Variants in GATAD2B observed in about 807,000 individuals in gnomAD.
The protein encoded by GATAD2B is GATA zinc finger domain containing 2B.
Under a neutral mutation model 64.3 loss-of-function variants are expected in GATAD2B, and 8 were observed. The ratio of observed to expected loss-of-function variants is 0.12; its 90% CI spans 0.07 to 0.22. The LOEUF (loss-of-function observed/expected upper bound fraction) is 0.22, where lower values mean the gene tolerates loss of function less well. GATAD2B is among the 10% of genes least tolerant of loss of function. GATAD2B has a pLI of 1.00. For missense variants in GATAD2B, 453 were observed against 752.0 expected (o/e 0.60, Z 4.65); for synonymous variants, 281 against 271.3 (o/e 1.04, Z -0.35).
chr1:153,910,230 C>T (rs975055728), intron 1 of GATAD2B, among the ~76,000 whole-genome samples: 1 of 152,128 alleles, frequency 6.6e-6, no homozygotes. Flanking sequence ...TGGTAAGCTA[C>T]TAGTGATTTT....
intron 1 of GATAD2B, among the ~76,000 whole-genome samples, chr1:153,847,367 A>G (rs1675724672): frequency 6.6e-6 from 1 of 152,134 alleles, no homozygotes; most frequent in Non-Finnish European, 1.5e-5. Flanking sequence ...AACTAGACAC[A>G]CTTCTGTAGA....
At chr1:153,846,363 G>C (rs1240899569) in intron 1 of GATAD2B, among the ~76,000 whole-genome samples, 2 of 151,820 alleles carry the variant, frequency 1.3e-5, no homozygotes, top group Admixed American at 6.6e-5. Context: ...CTCCAAAGTA[G>C]CTGGGATTAC....
chr1:153,837,384 A>C (rs1045238057), intron 1 of GATAD2B, among the ~76,000 whole-genome samples: 1 of 151,684 alleles, frequency 6.6e-6, no homozygotes, highest in African/African-American at 2.4e-5. Flanking sequence ...AAACAAAAAA[A>C]AAAACACAGT....
chr1:153,877,457 A>G (rs1220218948), intron 1 of GATAD2B, among the ~76,000 whole-genome samples: 5 of 146,952 alleles, frequency 3.4e-5, no homozygotes, highest in East Asian at 2.0e-4. Flanking sequence ...GAGAGTTAAG[A>G]AAAAAAAAAA....
At chr1:153,874,794 CT>C (rs1197936897) in intron 1 of GATAD2B, among the ~76,000 whole-genome samples, 1 of 151,938 alleles carries the variant, frequency 6.6e-6, no homozygotes, top group Non-Finnish European at 1.5e-5. Context: ...TCAGACTGGT[CT>C]TGAACTCCAG....
intron 1 of GATAD2B, among the ~76,000 whole-genome samples, chr1:153,883,045 G>A (rs1677057527): frequency 6.6e-6 from 1 of 152,074 alleles, no homozygotes; most frequent in South Asian, 2.1e-4. Flanking sequence ...CAAGGGGGGA[G>A]GGATTTTCTT....
intron 2 of GATAD2B, 91 bp from the exon 3 acceptor site, chr1:153,819,826 C>T (rs1242035491): frequency 1.3e-5 from 14 of 1,114,176 alleles, no homozygotes; most frequent in South Asian, 1.0e-4. Flanking sequence ...GGGCCGGGTG[C>T]GGTGGCTCAC....
chr1:153,859,222 G>A (rs1676187977), intron 1 of GATAD2B, among the ~76,000 whole-genome samples: 1 of 151,746 alleles, frequency 6.6e-6, no homozygotes, highest in Non-Finnish European at 1.5e-5. Context: ...TAGAAATCAG[G>A]CAGGTGTGGT....
intron 1 of GATAD2B, among the ~76,000 whole-genome samples, chr1:153,849,285 A>G (rs1469538147): frequency 6.6e-6 from 1 of 152,226 alleles, no homozygotes; most frequent in Non-Finnish European, 1.5e-5. Flanking sequence ...GCAGATGGCA[A>G]AGAGAGGGTG....
intron 1 of GATAD2B, among the ~76,000 whole-genome samples, chr1:153,873,343 C>T (rs969541352): frequency 2.6e-5 from 4 of 152,156 alleles, no homozygotes; most frequent in African/African-American, 7.2e-5. Context: ...TACCCCGCAA[C>T]GATTTGAATG....
At chr1:153,843,676 G>A (rs1027685101) in intron 1 of GATAD2B, among the ~76,000 whole-genome samples, 2 of 151,990 alleles carry the variant, frequency 1.3e-5, no homozygotes, top group Non-Finnish European at 2.9e-5. Context: ...TATACAATTA[G>A]TTATCCATTC....
At chr1:153,893,972 A>AC (rs1677501740) in intron 1 of GATAD2B, among the ~76,000 whole-genome samples, 2 of 151,012 alleles carry the variant, frequency 1.3e-5, no homozygotes, top group African/African-American at 2.4e-5. Context: ...AAAAAAAAAA[A>AC]AAAAAAAAAA....
rs1156636718 is a variant in GATAD2B at position 153,807,435 on chromosome 1, G to A, written c.*2742C>T. 6.6e-6 allele frequency: 1 copy of A among 152,052 alleles called. No homozygotes were observed. The highest frequency in any genetic ancestry group is 1.9e-4 in the East Asian group (1 of 5,194). 9.4% of individuals were successfully genotyped at this position (152,052 alleles called of 1,614,324 possible). On this transcript the variant is annotated 3_prime_UTR_variant, in exon 11 of 11. Transcript: ENST00000368655. ...AAGGTTAACACTTTACCATGATTAG[G>A]GAGACCTCACCTCCATCACTAATCC...
intron 2 of GATAD2B, among the ~76,000 whole-genome samples, chr1:153,826,592 T>C (rs1198805033): frequency 4.0e-5 from 6 of 151,654 alleles, no homozygotes; most frequent in African/African-American, 7.3e-5. Flanking sequence ...GATCGTACCA[T>C]TGCACTCAGC....
At chr1:153,831,321 C>T (rs1675070869) in intron 1 of GATAD2B, among the ~76,000 whole-genome samples, 2 of 152,108 alleles carry the variant, frequency 1.3e-5, no homozygotes, top group Admixed American at 6.6e-5. Flanking sequence ...GAACATCACA[C>T]ACCTGGGTCT....
chr1:153,914,985 A>C (rs2101971511), intron 1 of GATAD2B, among the ~76,000 whole-genome samples: 1 of 152,162 alleles, frequency 6.6e-6, no homozygotes, highest in African/African-American at 2.4e-5. Context: ...ACACTTTGGG[A>C]GGCCAAAGCA....
intron 1 of GATAD2B, among the ~76,000 whole-genome samples, chr1:153,860,896 C>T (rs945827127): frequency 6.6e-6 from 1 of 152,174 alleles, no homozygotes; most frequent in Non-Finnish European, 1.5e-5. Flanking sequence ...AAGTGATCCT[C>T]CCATCGTGGC....
intron 1 of GATAD2B, among the ~76,000 whole-genome samples, chr1:153,918,077 G>C (rs1678325926): frequency 6.6e-6 from 1 of 152,170 alleles, no homozygotes; most frequent in African/African-American, 2.4e-5. Context: ...GAGTGTGACT[G>C]ATCAGCATTC....
chr1:153,824,707 A>C (rs1233796961), intron 2 of GATAD2B, among the ~76,000 whole-genome samples: 1 of 151,556 alleles, frequency 6.6e-6, no homozygotes, highest in Admixed American at 6.6e-5. Flanking sequence ...CAATTCCAAT[A>C]CCATTAATAA....
Sources: allele counts gnomAD v4.1 joint callset (sites outside exome capture counted in the v4.1 genomes callset), GRCh38; gene constraint gnomAD v4.1.1; transcripts MANE v1.5; gene names NCBI Gene and HGNC (gene_info 2026-07-23, HGNC 2026-07-21).